NBAS: variants seen among roughly 807,000 people sequenced by gnomAD.
NBAS encodes the protein NBAS subunit of NRZ tethering complex, also known as NAG/BC035112 fusion.
A neutral mutation model predicts 302.5 loss-of-function variants in NBAS; 219 were observed. The ratio of observed to expected loss-of-function variants is 0.72; its 90% CI spans 0.65 to 0.81. The LOEUF is 0.81. Ranked by LOEUF, NBAS falls within the 30% of genes least tolerant of loss-of-function variation. The pLI is 0.00. For synonymous variants in NBAS, 1,118 were observed against 1,021.6 expected (o/e 1.09, Z -1.80); for missense variants, 2,932 against 2,841.6 (o/e 1.03, Z -0.72).
the NBAS span, among the ~76,000 whole-genome samples, chr2:15,080,452 T>C: frequency 6.6e-6 from 1 of 152,228 alleles, no homozygotes; most frequent in South Asian, 2.1e-4. Flanking sequence ...CTCCCCAGTC[T>C]GGGCAAGAAA....
At chr2:15,370,023 A>G (rs1160796031) in intron 31 of NBAS, among the ~76,000 whole-genome samples, 1 of 152,240 alleles carries the variant, frequency 6.6e-6, no homozygotes, top group Non-Finnish European at 1.5e-5. Flanking sequence ...TGGGCAAGGA[A>G]GGTGTAACAC....
At chr2:15,435,961 C>CT (rs1677992107) in intron 21 of NBAS, among the ~76,000 whole-genome samples, 1 of 152,162 alleles carries the variant, frequency 6.6e-6, no homozygotes, top group Non-Finnish European at 1.5e-5. Flanking sequence ...ATAATTTTAA[C>CT]TAACTTTATA....
At chr2:14,968,491 T>A in the NBAS span, among the ~76,000 whole-genome samples, 1 of 152,146 alleles carries the variant, frequency 6.6e-6, no homozygotes, top group African/African-American at 2.4e-5. Context: ...TAGTAGCTAC[T>A]GACAGGTGTG....
At chr2:15,393,610 G>GAAATGAAAGCGTATGTCTACCC (rs1675714711) in intron 28 of NBAS, 2 of 418,776 alleles carry the variant, frequency 4.8e-6, no homozygotes, top group African/African-American at 4.2e-5. Flanking sequence ...TTGTCTGAGA[G>GAAATGAAAGCGTATGTCTACCC]AAATGAAAGC....
chr2:15,177,332 A>G (rs1214829807), intron 51 of NBAS, among the ~76,000 whole-genome samples: 1 of 152,172 alleles, frequency 6.6e-6, no homozygotes, highest in Non-Finnish European at 1.5e-5. Context: ...TTAGTCATTT[A>G]GTTTCTTATT....
intron 50 of NBAS, among the ~76,000 whole-genome samples, chr2:15,186,118 A>G (rs1665068979): frequency 6.7e-6 from 1 of 150,226 alleles, no homozygotes; most frequent in Non-Finnish European, 1.5e-5. Flanking sequence ...ACATATGTGT[A>G]TGTATGTGTG....
At chr2:15,263,960 A>T (rs1008399480) in intron 44 of NBAS, among the ~76,000 whole-genome samples, 1 of 152,234 alleles carries the variant, frequency 6.6e-6, no homozygotes, top group Non-Finnish European at 1.5e-5. Flanking sequence ...GCTGTTTATT[A>T]TAAGTTTCTT....
At chr2:14,872,242 A>G in the NBAS span, among the ~76,000 whole-genome samples, 257 of 152,304 alleles carry the variant, frequency 1.7e-3, no homozygotes, top group African/African-American at 5.8e-3. Context: ...CATAAAACTG[A>G]TAAAACTGAA....
intron 46 of NBAS, 78 bp downstream of exon 46, chr2:15,234,467 C>G: frequency 1.4e-6 from 2 of 1,440,114 alleles, no homozygotes; most frequent in Non-Finnish European, 1.9e-6. Context: ...AATGCTTTTA[C>G]ATACAGGATG....
At chr2:15,439,675 G>A (rs770971125) in intron 21 of NBAS, among the ~76,000 whole-genome samples, 9 of 152,144 alleles carry the variant, frequency 5.9e-5, no homozygotes, top group East Asian at 1.9e-4. Flanking sequence ...GGTGCAGCGC[G>A]CCGTGCACAA....
intron 26 of NBAS, among the ~76,000 whole-genome samples, chr2:15,400,816 C>T (rs1262514093): frequency 1.3e-5 from 2 of 152,158 alleles, no homozygotes; most frequent in Non-Finnish European, 2.9e-5. Context: ...TCCTAAATGA[C>T]ACTAACTGTT....
intron 35 of NBAS, among the ~76,000 whole-genome samples, chr2:15,340,665 T>G (rs1019780862): frequency 6.6e-6 from 1 of 152,070 alleles, no homozygotes; most frequent in Non-Finnish European, 1.5e-5. Context: ...ATCTAAGGAA[T>G]GAGTGTAGAC....
chr2:15,408,806 T>A (rs1676545837), intron 25 of NBAS, among the ~76,000 whole-genome samples: 1 of 152,210 alleles, frequency 6.6e-6, no homozygotes, highest in Non-Finnish European at 1.5e-5. Flanking sequence ...ATGCGAACAA[T>A]GATAGCTATA....
At chr2:14,950,924 A>C in the NBAS span, among the ~76,000 whole-genome samples, 4 of 152,206 alleles carry the variant, frequency 2.6e-5, no homozygotes, top group Non-Finnish European at 4.4e-5. Context: ...GTTCTTGAAG[A>C]AACAGCTCCC....
At chr2:15,327,425 G>C (rs575689095) in intron 38 of NBAS, among the ~76,000 whole-genome samples, 86 of 152,196 alleles carry the variant, frequency 5.7e-4, no homozygotes, top group Non-Finnish European at 8.7e-4. Context: ...ATTCTATTAA[G>C]CATAAAATCA....
rs372458442 is a variant in NBAS at position 15,167,548 on chromosome 2, C to T, written c.6841-225G>A. Among the ~76,000 whole-genome samples the T allele has an allele frequency of 7.2e-5, 11 of 152,326 alleles. No homozygotes were observed. In the East Asian group the frequency reaches 1.2e-3, roughly 16 times the overall value. On this transcript the variant is annotated intron_variant, in intron 51 of 51. Transcript: ENST00000281513. ...CACAAGAACCCCACTGCAATCATCA[C>T]TACAGCTTCCAGATACTGGGTGCCA...
the NBAS span, among the ~76,000 whole-genome samples, chr2:15,102,232 A>C: frequency 3.0e-4 from 45 of 152,192 alleles, no homozygotes; most frequent in Admixed American, 1.3e-4. Flanking sequence ...CTAGAAAGGC[A>C]ATAACAAGCA....
Position 15,271,700 on chromosome 2 carries a change from T to C in NBAS, c.5724+3784A>G, listed in dbSNP as rs75127336. Among the ~76,000 whole-genome samples the C allele has an allele frequency of 8.5e-3, 1,287 of 152,302 alleles. 19 individuals are homozygous for C. Among genetic ancestry groups the C allele is most frequent in the African/African-American group, 0.03 (1,230 of 41,576 alleles). ...CTAGCTATTGACAGCAAGTGGAAAG[T>C]ATAAAACACAAAGGCTAAGATTATA... is the stretch of plus-strand genomic sequence containing the variant. On this transcript the variant is annotated intron_variant, in intron 44 of 51. Transcript: ENST00000281513.
intron 28 of NBAS, among the ~76,000 whole-genome samples, chr2:15,386,605 G>A (rs1190040560): frequency 6.6e-6 from 1 of 152,050 alleles, no homozygotes; most frequent in East Asian, 1.9e-4. Context: ...CATAACTCCA[G>A]TTCGGACTTC....
Sources: allele counts gnomAD v4.1 joint callset (sites outside exome capture counted in the v4.1 genomes callset), GRCh38; gene constraint gnomAD v4.1.1; transcripts MANE v1.5; gene names NCBI Gene and HGNC (gene_info 2026-07-23, HGNC 2026-07-21).